Variants in DHX30 observed in about 807,000 individuals in gnomAD.
DHX30 encodes ATP-dependent RNA helicase DHX30.
In DHX30, 4 loss-of-function variants were observed where a neutral mutation model predicts 116.9. The observed-to-expected ratio is 0.03, with a 90% CI of 0.02 to 0.08. The LOEUF is 0.08. DHX30 is among the 10% of genes least tolerant of loss of function. The pLI, the probability that DHX30 is intolerant of heterozygous loss-of-function variation, is 1.00. For synonymous variants in DHX30, 697 were observed against 651.7 expected (o/e 1.07, Z -1.06); for missense variants, 871 against 1,595.1 (o/e 0.55, Z 7.73).
At chr3:47,832,194 C>T (rs751353743) in intron 6 of DHX30, among the ~76,000 whole-genome samples, 42 of 151,220 alleles carry the variant, frequency 2.8e-4, no homozygotes, top group Admixed American at 1.8e-3. Context: ...TACAGATGTG[C>T]GCTGACTGCC....
chr3:47,804,022 C>T (rs2035414369), intron 1 of DHX30, among the ~76,000 whole-genome samples: 1 of 152,194 alleles, frequency 6.6e-6, no homozygotes, highest in Admixed American at 6.6e-5. Flanking sequence ...TTAGTTGCAG[C>T]TTATGGGCCA....
At chr3:47,806,868 C>T (rs2035552148) in intron 2 of DHX30, among the ~76,000 whole-genome samples, 1 of 151,522 alleles carries the variant, frequency 6.6e-6, no homozygotes, top group African/African-American at 2.4e-5. Flanking sequence ...GATGGGATTA[C>T]AGGCGTGAGC....
Position 47,846,181 on chromosome 3 carries a change from C to T in DHX30, c.1109C>T (p.Ser370Leu), listed in dbSNP as rs1485143333. ...TFLNHYPVES[S>L]WIAPELRLQS... ...GCCCTCCAGTACCCTGTGGAGAGTT[C>T]ATGGATCGCCCCAGAACTCCGGCTG... The change falls in exon 11 of 22, where the codon TCA (serine) becomes TTA (leucine). Residue 370 changes from serine (S) to leucine (L), a missense_variant. Ser to Leu is a moderately radical substitution (Grantham distance 145). Around this residue, in one of 13 missense-constraint regions of DHX30, gnomAD observed 175 missense variants for 292.9 expected, o/e 0.60. Coordinates refer to ENST00000445061, the MANE Select transcript of DHX30 (RefSeq NM_138615.3). 9.3e-6 allele frequency: 15 copies of T among 1,613,150 alleles called. No individual in the cohort carries two copies. The highest frequency in any genetic ancestry group is 1.3e-5 in the Non-Finnish European group (15 of 1,179,910).
At chr3:47,835,524 C>T (rs1474151015) in intron 6 of DHX30, among the ~76,000 whole-genome samples, 2 of 151,310 alleles carry the variant, frequency 1.3e-5, no homozygotes, top group Admixed American at 1.3e-4. Context: ...AGGCTGGTCT[C>T]GAACTCCTGA....
intron 6 of DHX30, among the ~76,000 whole-genome samples, chr3:47,829,627 A>G (rs987916025): frequency 6.6e-6 from 1 of 151,816 alleles, no homozygotes; most frequent in Non-Finnish European, 1.5e-5. Context: ...TACAGGCGTG[A>G]GCTCGTAATC....
At chr3:47,833,073 C>T (rs368334726) in intron 6 of DHX30, among the ~76,000 whole-genome samples, 17 of 151,800 alleles carry the variant, frequency 1.1e-4, no homozygotes, top group African/African-American at 3.4e-4. Context: ...GTGTGAGTCA[C>T]GGCTCCTGGC....
chr3:47,819,940 G>C (rs1308936071), intron 4 of DHX30, among the ~76,000 whole-genome samples: 1 of 152,110 alleles, frequency 6.6e-6, no homozygotes. Flanking sequence ...AGGATCTTGG[G>C]GGCCACAAAA....
intron 4 of DHX30, among the ~76,000 whole-genome samples, chr3:47,824,551 C>G (rs1014805996): frequency 6.6e-6 from 1 of 151,802 alleles, no homozygotes; most frequent in Admixed American, 6.6e-5. Flanking sequence ...CTCAACCTCC[C>G]AAAGTGTTGG....
At chr3:47,823,643 T>C (rs2036400671) in intron 4 of DHX30, among the ~76,000 whole-genome samples, 1 of 152,104 alleles carries the variant, frequency 6.6e-6, no homozygotes, top group African/African-American at 2.4e-5. Flanking sequence ...ATTACAGGCA[T>C]GAGCCACTGC....
chr3:47,814,832 T>C (rs2035979761), intron 3 of DHX30, among the ~76,000 whole-genome samples: 1 of 151,814 alleles, frequency 6.6e-6, no homozygotes, highest in Non-Finnish European at 1.5e-5. Flanking sequence ...TTTTTGTTAG[T>C]TAGTTTTGTT....
At position 47,847,598 on chromosome 3, in the gene DHX30, A is replaced by G. The variant is rs1462789804; in HGVS notation, c.2110+62A>G. 7 of 1,487,934 alleles carry G rather than the reference A, an allele frequency of 4.7e-6. No homozygotes were observed. The highest frequency in any genetic ancestry group is 2.1e-4 in the Middle Eastern group (1 of 4,784). The allele number at this position is 1,487,934 out of a possible 1,614,324, so 92.2% of individuals were successfully genotyped here. A position where few individuals can be genotyped will look rare whatever the true frequency, so the allele number is the denominator to read the frequency against. On this transcript the variant is annotated intron_variant, in intron 13 of 21. Coordinates refer to ENST00000445061, the MANE Select transcript of DHX30 (RefSeq NM_138615.3). This position sits in a 1 kb window ranked among gnomAD's most constrained non-coding sequence, Gnocchi z 5.5. ...AACCAGCCTGACCTCTGTCCTAGGG[A>G]CTGACCCAACTGGGACTCCAGGGGC...
intron 6 of DHX30, among the ~76,000 whole-genome samples, chr3:47,831,924 C>CTTTTTTTTTTTTTTTTTTTTTTTTTTT (rs1448275730): frequency 1.7e-5 from 2 of 120,380 alleles, no homozygotes; most frequent in African/African-American, 2.9e-5. Flanking sequence ...AGGCCTTTTC[C>CTTTTTTTTTTTTTTTTTTTTTTTTTTT]TTTTTCTTTT....
Position 47,848,688 on chromosome 3 carries a change from C to T in DHX30, c.2640C>T (p.Asp880=), listed in dbSNP as rs748267741. The T allele has an allele frequency of 1.9e-6, 3 of 1,614,040 alleles. No individual in the cohort carries two copies. Among genetic ancestry groups the T allele is most frequent in the Admixed American group, 1.7e-5 (1 of 60,002 alleles). The part of the protein sequence containing the change: ...LGQRLAHIST[D]PRLAKAIVLA... ...AGCGCCTGGCTCACATCTCCACCGA[C>T]CCCCGGTTGGCCAAGGCCATTGTGT... Residue 880 remains aspartate, a synonymous_variant, in exon 17 of 22, where the codon GAC becomes GAT. Coordinates refer to ENST00000445061, the MANE Select transcript of DHX30 (RefSeq NM_138615.3). This position sits in a 1 kb window ranked among gnomAD's most constrained non-coding sequence, Gnocchi z 9.4.
At chr3:47,849,112 C>T (rs367691721) in intron 18 of DHX30, 33 bp downstream of exon 18, 11 of 1,610,938 alleles carry the variant, frequency 6.8e-6, no homozygotes, top group Non-Finnish European at 9.3e-6. Flanking sequence ...CTCCTGAGCC[C>T]CTCCCACCCC....
intron 4 of DHX30, among the ~76,000 whole-genome samples, chr3:47,822,569 G>T (rs1057047030): frequency 6.6e-6 from 1 of 152,082 alleles, no homozygotes; most frequent in Non-Finnish European, 1.5e-5. Flanking sequence ...GGTGGATCAT[G>T]AGGTCAGGAG....
chr3:47,844,153 T>A (rs2037498504), intron 9 of DHX30, among the ~76,000 whole-genome samples: 1 of 152,212 alleles, frequency 6.6e-6, no homozygotes, highest in South Asian at 2.1e-4. Context: ...ATGGGCCTGC[T>A]TTACTCTGAA....
Position 47,843,156 on chromosome 3 carries a change from C to T in DHX30, c.840C>T (p.Leu280=). The change falls in exon 9 of 22, where the codon CTC becomes CTT. Residue 280 remains leucine, a synonymous_variant. Coordinates refer to ENST00000445061, the MANE Select transcript of DHX30 (RefSeq NM_138615.3). ...GCACCAAGACCAAGCTGTCTACACTCACCCTGCTCTGGCCCTGCCCCATGA... is the reference window on the plus strand; with the variant it reads ...GCACCAAGACCAAGCTGTCTACACTTACCCTGCTCTGGCCCTGCCCCATGA... The part of the protein sequence containing the change: ...TVGTKTKLST[L]TLLWPCPMTF... 1 of 1,614,268 alleles carries T rather than the reference C, an allele frequency of 6.2e-7. No individual in the cohort carries two copies. The highest frequency in any genetic ancestry group is 1.1e-5 in the South Asian group (1 of 91,088).
rs748252563 is a variant in DHX30, at chr3:47,847,070, C to T, written c.1929+69C>T. On this transcript the variant is annotated intron_variant, in intron 11 of 21. Transcript: ENST00000445061. This position sits in a 1 kb window ranked among gnomAD's most constrained non-coding sequence, Gnocchi z 5.5. The stretch of plus-strand genomic sequence containing the variant: ...CCGTGGATGCCCCTCCTCCCTGGCC[C>T]TGGGGCTTGGTGCCTGGGGCAAGTT... 65 of 1,556,664 alleles carry T rather than the reference C, an allele frequency of 4.2e-5. No homozygotes were observed. Among genetic ancestry groups the T allele is most frequent in the Non-Finnish European group, 5.5e-5 (63 of 1,147,250 alleles).
At chr3:47,841,991 A>C (rs1224651636) in intron 8 of DHX30, 2 of 523,578 alleles carry the variant, frequency 3.8e-6, no homozygotes, top group Non-Finnish European at 6.9e-6. Context: ...GTGGATTGTC[A>C]GTGGGGAAGG....
Sources: gnomAD v4.1 joint callset for allele counts (sites outside exome capture counted in the v4.1 genomes callset) on GRCh38, gnomAD v4.1.1 for gene constraint, gnomAD v4.1.1 regional missense constraint, Gnocchi (gnomAD v3.1) non-coding constraint, MANE v1.5 for transcripts, NCBI Gene and HGNC (gene_info 2026-07-23, HGNC 2026-07-21) for gene names.